The following QTMAN variants were observed in gnomAD, a reference collection of about 807,000 sequenced individuals.
The protein encoded by QTMAN is queuosine-tRNA mannosyltransferase, also known as tRNA-queuosine alpha-mannosyltransferase.
At chr2:144,169,313 A>G in the QTMAN span, among the ~76,000 whole-genome samples, 20 of 152,168 alleles carry the variant, frequency 1.3e-4, no homozygotes, top group African/African-American at 4.6e-4. Context: ...ATTTTCTACT[A>G]TGGAAATTTT....
At chr2:144,197,848 C>T in the QTMAN span, among the ~76,000 whole-genome samples, 1 of 152,164 alleles carries the variant, frequency 6.6e-6, no homozygotes, top group Non-Finnish European at 1.5e-5. Flanking sequence ...ATCATCCTAT[C>T]CAGTTTTCCT....
chr2:144,166,548 A>T, the QTMAN span, among the ~76,000 whole-genome samples: 2 of 152,234 alleles, frequency 1.3e-5, no homozygotes, highest in Admixed American at 6.5e-5. Flanking sequence ...ATATACACAC[A>T]CATACACATA....
At chr2:144,280,523 C>T in the QTMAN span, among the ~76,000 whole-genome samples, 2 of 151,866 alleles carry the variant, frequency 1.3e-5, no homozygotes, top group Non-Finnish European at 2.9e-5. Context: ...GAAGTCTACA[C>T]TAAGAAACCA....
At chr2:144,004,304 C>T in the QTMAN span, among the ~76,000 whole-genome samples, 1 of 152,002 alleles carries the variant, frequency 6.6e-6, no homozygotes, top group Non-Finnish European at 1.5e-5. Flanking sequence ...ACCATAGTTT[C>T]CTTCTGAATA....
chr2:144,147,921 A>G, the QTMAN span, among the ~76,000 whole-genome samples: 1 of 151,864 alleles, frequency 6.6e-6, no homozygotes, highest in Non-Finnish European at 1.5e-5. Context: ...CCAGACAAAT[A>G]TTCTGCAAAA....
the QTMAN span, among the ~76,000 whole-genome samples, chr2:143,963,504 T>C: frequency 6.6e-6 from 1 of 152,016 alleles, no homozygotes; most frequent in East Asian, 1.9e-4. Flanking sequence ...CTTTCATATT[T>C]TAAATCTCTA....
At chr2:144,099,000 G>A in the QTMAN span, among the ~76,000 whole-genome samples, 1 of 152,146 alleles carries the variant, frequency 6.6e-6, no homozygotes, top group Non-Finnish European at 1.5e-5. Context: ...TGTTGATGCT[G>A]TAGAGTGTTA....
the QTMAN span, among the ~76,000 whole-genome samples, chr2:144,046,786 A>G: frequency 1.3e-3 from 196 of 152,344 alleles, 3 homozygotes; most frequent in East Asian, 0.029. Flanking sequence ...ATGATCTCAC[A>G]TAATTTCCAG....
the QTMAN span, among the ~76,000 whole-genome samples, chr2:144,277,479 A>C: frequency 3.9e-5 from 6 of 152,272 alleles, no homozygotes; most frequent in Admixed American, 3.9e-4. Context: ...AAAATGAGCA[A>C]ACCTGATAGC....
At chr2:144,316,906 C>T in the QTMAN span, among the ~76,000 whole-genome samples, 1 of 152,202 alleles carries the variant, frequency 6.6e-6, no homozygotes, top group African/African-American at 2.4e-5. Flanking sequence ...TACTCTAAGA[C>T]TTTGTATACA....
the QTMAN span, among the ~76,000 whole-genome samples, chr2:144,023,366 C>G: frequency 6.6e-6 from 1 of 152,190 alleles, no homozygotes. Flanking sequence ...TACTTAAGCT[C>G]TTAGGCAACC....
the QTMAN span, chr2:144,011,802 T>TTGGAA: frequency 1.1e-6 from 1 of 926,982 alleles, no homozygotes; most frequent in Non-Finnish European, 1.3e-6. Flanking sequence ...CAGTTCCAAC[T>TTGGAA]CTGGTGGAGG....
the QTMAN span, among the ~76,000 whole-genome samples, chr2:144,047,279 TA>T: frequency 6.6e-6 from 1 of 151,706 alleles, no homozygotes; most frequent in Non-Finnish European, 1.5e-5. Flanking sequence ...TCAAAAGAGA[TA>T]AAAAAATAAA....
the QTMAN span, among the ~76,000 whole-genome samples, chr2:144,297,715 G>C: frequency 1.3e-5 from 2 of 151,018 alleles, no homozygotes; most frequent in African/African-American, 4.9e-5. Flanking sequence ...TAAGTAGCTG[G>C]GACTACAGGT....
the QTMAN span, among the ~76,000 whole-genome samples, chr2:144,128,532 C>T: frequency 2.0e-5 from 3 of 152,040 alleles, no homozygotes; most frequent in Non-Finnish European, 4.4e-5. Context: ...TCAATGTTGA[C>T]TAATCCTATT....
At chr2:144,287,773 T>C in the QTMAN span, among the ~76,000 whole-genome samples, 1 of 152,222 alleles carries the variant, frequency 6.6e-6, no homozygotes, top group Non-Finnish European at 1.5e-5. Flanking sequence ...ATATAGTATA[T>C]GTACACTAGG....
At chr2:144,273,960 C>CTGTTGACCAGCCTGG in the QTMAN span, among the ~76,000 whole-genome samples, 1 of 152,074 alleles carries the variant, frequency 6.6e-6, no homozygotes, top group Non-Finnish European at 1.5e-5. Flanking sequence ...ATGGTGAAAC[C>CTGTTGACCAGCCTGG]CCATCTCTAC....
chr2:144,311,316 T>G, the QTMAN span, among the ~76,000 whole-genome samples: 1 of 152,234 alleles, frequency 6.6e-6, no homozygotes, highest in Non-Finnish European at 1.5e-5. Flanking sequence ...CTCTACATTT[T>G]ACTGTTTTAA....
At chr2:144,217,293 G>A in the QTMAN span, among the ~76,000 whole-genome samples, 1 of 151,894 alleles carries the variant, frequency 6.6e-6, no homozygotes, top group African/African-American at 2.4e-5. Context: ...TAAAATCCAG[G>A]TCTTCCAACT....
Sources: gnomAD v4.1 joint callset for allele counts (sites outside exome capture counted in the v4.1 genomes callset) on GRCh38, gnomAD v4.1.1 for gene constraint, MANE v1.5 for transcripts, NCBI Gene and HGNC (gene_info 2026-07-23, HGNC 2026-07-21) for gene names.